ANO5: variants seen among roughly 807,000 people sequenced by gnomAD.
ANO5 encodes the protein anoctamin 5, also known as anoctamin-5.
ANO5 carries 109 observed loss-of-function variants against 121.0 expected under a neutral mutation model. The observed-to-expected ratio is 0.90, with a 90% CI of 0.77 to 1.06. The LOEUF is 1.06. Ranked by LOEUF, ANO5 falls within the 50% of genes least tolerant of loss-of-function variation. ANO5 has a pLI of 0.00. For synonymous variants in ANO5, 406 were observed against 359.9 expected (o/e 1.13, Z -1.45); for missense variants, 1,064 against 1,078.5 (o/e 0.99, Z 0.19).
intron 9 of ANO5, among the ~76,000 whole-genome samples, chr11:22,248,826 C>T (rs948033938): frequency 4.6e-5 from 7 of 151,828 alleles, no homozygotes; most frequent in Non-Finnish European, 8.8e-5. Flanking sequence ...AAGTCTATAG[C>T]AATAATGTTG....
chr11:22,275,309 G>GACACACAC lies in ANO5; in HGVS notation c.2414+577_2414+584dup, dbSNP rs56171321. On this transcript the variant is annotated intron_variant, in intron 20 of 21. Coordinates refer to ENST00000324559, the MANE Select transcript of ANO5 (RefSeq NM_213599.3). Reference sequence around the variant, plus strand: ...GGATCTTTTCACCATACAATTTAAAGACACACACACACACACACACACGCT... The same window carrying GACACACAC: ...GGATCTTTTCACCATACAATTTAAAGACACACACACACACACACACACACACACACGCT... 6.1e-3 allele frequency among the ~76,000 whole-genome samples: 911 copies of GACACACAC among 148,606 alleles called. 3 individuals are homozygous for GACACACAC. The highest frequency in any genetic ancestry group is 9.3e-3 in the Non-Finnish European group (621 of 66,782).
At chr11:22,211,336 C>A in intron 3 of ANO5, 22 bp downstream of exon 3, 1 of 1,609,130 alleles carries the variant, frequency 6.2e-7, no homozygotes. Flanking sequence ...CCAGTACTAT[C>A]CTTTCTTGCA....
At position 22,274,756 on chromosome 11, in the gene ANO5, T is replaced by C; in HGVS notation, c.2414+9T>C. ...GACTTCATCACTTGCAGGTGATTTG[T>C]TTGTTTGTTTGTTTAGGTTTTAGTT... On this transcript the variant is annotated intron_variant, in intron 20 of 21. Coordinates refer to ENST00000324559, the MANE Select transcript of ANO5 (RefSeq NM_213599.3). The C allele has an allele frequency of 6.2e-7, 1 of 1,612,460 alleles. No homozygotes were observed. Among genetic ancestry groups the C allele is most frequent in the South Asian group, 1.1e-5 (1 of 91,052 alleles).
intron 2 of ANO5, among the ~76,000 whole-genome samples, chr11:22,205,803 A>G (rs923085340): frequency 4.6e-5 from 7 of 152,114 alleles, no homozygotes; most frequent in Non-Finnish European, 1.0e-4. Flanking sequence ...GAATTTGTAG[A>G]TACCAAAAAG....
At chr11:22,243,285 A>G (rs1281275327) in intron 9 of ANO5, among the ~76,000 whole-genome samples, 1 of 151,896 alleles carries the variant, frequency 6.6e-6, no homozygotes, top group Non-Finnish European at 1.5e-5. Context: ...GGATGTATTA[A>G]CTTTTTGATG....
chr11:22,280,857 G>C lies in ANO5; in HGVS notation c.*1092G>C, dbSNP rs932376878. On this transcript the variant is annotated 3_prime_UTR_variant, in exon 22 of 22. Transcript: ENST00000324559. Reference sequence around the variant, plus strand: ...ATGTTGTTAGCTAGTGATTTGATGTGATGTAACATCTTAAATGTAAGCTTG... The same window carrying C: ...ATGTTGTTAGCTAGTGATTTGATGTCATGTAACATCTTAAATGTAAGCTTG... 1 of 151,962 alleles carries C rather than the reference G, an allele frequency of 6.6e-6. No individual in the cohort carries two copies. Among genetic ancestry groups the C allele is most frequent in the Non-Finnish European group, 1.5e-5 (1 of 67,878 alleles). 9.4% of individuals were successfully genotyped at this position (151,962 alleles called of 1,614,324 possible). A position where few individuals can be genotyped will look rare whatever the true frequency, so the allele number is the denominator to read the frequency against.
rs763207911 is a variant in ANO5, at chr11:22,218,198, C to T, written c.139-48C>T. On this transcript the variant is annotated intron_variant, in intron 3 of 21. Transcript: ENST00000324559. ...CTTTGTCTTTTTTTTGGAATCTTTA[C>T]TGTAATTCTGGGCAGGAAGTGCTAA... The T allele has an allele frequency of 3.7e-6, 6 of 1,603,082 alleles. No individual in the cohort carries two copies. In the African/African-American group the frequency reaches 8.1e-5, roughly 22 times the overall value.
At position 22,200,471 on chromosome 11, in the gene ANO5, A is replaced by G. The variant is rs541024760; in HGVS notation, c.41-3333A>G. On this transcript the variant is annotated intron_variant, in intron 1 of 21. Coordinates refer to ENST00000324559, the MANE Select transcript of ANO5 (RefSeq NM_213599.3). ...ATGCATTCTTCCTGTTTCTTTATAG[A>G]TTATTAAAAATTTGTGTGTTCAGGG... Among the ~76,000 whole-genome samples the G allele has an allele frequency of 1.2e-4, 19 of 152,260 alleles. 1 individual carries two copies. The highest frequency in any genetic ancestry group is 4.3e-4 in the African/African-American group (18 of 41,552).
chr11:22,263,447 C>T lies in ANO5; in HGVS notation c.1898+404C>T, dbSNP rs1336341547. Among the ~76,000 whole-genome samples, 3 of 152,024 alleles carry T rather than the reference C, an allele frequency of 2.0e-5. No individual in the cohort carries two copies. In the East Asian group the frequency reaches 5.8e-4, roughly 29 times the overall value. On this transcript the variant is annotated intron_variant, in intron 17 of 21. Transcript: ENST00000324559. ...TGCTGTGTATTATTTCTGAATATTA[C>T]TAAAAGGTGAACTTTGTAAAAATAT...
At chr11:22,226,464 T>C (rs1205100886) in intron 6 of ANO5, among the ~76,000 whole-genome samples, 1 of 152,198 alleles carries the variant, frequency 6.6e-6, no homozygotes, top group African/African-American at 2.4e-5. Flanking sequence ...TTTTATTTAC[T>C]GTTTTTCTAG....
intron 14 of ANO5, 25 bp downstream of exon 14, chr11:22,257,779 A>G (rs1341800610): frequency 1.9e-6 from 3 of 1,575,530 alleles, no homozygotes; most frequent in Admixed American, 3.3e-5. Context: ...AAAAATTGCT[A>G]TAATTTCTTC....
chr11:22,217,506 C>A (rs541880348), intron 3 of ANO5, among the ~76,000 whole-genome samples: 8 of 150,994 alleles, frequency 5.3e-5, no homozygotes, highest in African/African-American at 1.9e-4. Context: ...ATTTTAATTT[C>A]TTTTCCTGAT....
At chr11:22,235,307 G>A (rs1853178597) in intron 7 of ANO5, among the ~76,000 whole-genome samples, 1 of 151,900 alleles carries the variant, frequency 6.6e-6, no homozygotes, top group Admixed American at 6.6e-5. Context: ...TCTAAAATAT[G>A]TAAAACAGGT....
At chr11:22,278,686 T>A (rs1473937388) in intron 21 of ANO5, among the ~76,000 whole-genome samples, 1 of 151,672 alleles carries the variant, frequency 6.6e-6, no homozygotes, top group South Asian at 2.1e-4. Context: ...GATAACGTAG[T>A]GAGCTGATAT....
intron 17 of ANO5, among the ~76,000 whole-genome samples, chr11:22,267,938 T>G (rs956064014): frequency 1.3e-5 from 2 of 152,186 alleles, no homozygotes; most frequent in African/African-American, 4.8e-5. Flanking sequence ...AAGAACATGA[T>G]CTTGTTCTTT....
rs1222161568 is a variant in ANO5 at position 22,272,843 on chromosome 11, G to A, written c.2089G>A (p.Ala697Thr). 1 of 1,613,796 alleles carries A rather than the reference G, an allele frequency of 6.2e-7. No individual in the cohort carries two copies. Among genetic ancestry groups the A allele is most frequent in the Non-Finnish European group, 8.5e-7 (1 of 1,179,968 alleles). Residue 697 changes from alanine to threonine, a missense_variant, in exon 19 of 22, where the codon GCT becomes ACT. Transcript: ENST00000324559. ...VASFPLAPLLALINNIVEIRV... is the reference protein window; with the variant it reads ...VASFPLAPLLTLINNIVEIRV... The stretch of plus-strand genomic sequence containing the variant: ...CTCTTTTCCTTTGGCTCCTCTTCTT[G>A]CTCTCATAAATAATATTGTAGAGAT...
At chr11:22,245,894 T>A (rs1853599383) in intron 9 of ANO5, among the ~76,000 whole-genome samples, 1 of 152,150 alleles carries the variant, frequency 6.6e-6, no homozygotes. Flanking sequence ...TCAAAAAGTT[T>A]CAGATTTTGG....
intron 12 of ANO5, among the ~76,000 whole-genome samples, chr11:22,253,210 C>T (rs994823185): frequency 6.6e-6 from 1 of 152,090 alleles, no homozygotes; most frequent in Non-Finnish European, 1.5e-5. Context: ...TATATGAATC[C>T]TGTGATTCCT....
chr11:22,226,812 A>C (rs1372545665), intron 6 of ANO5, among the ~76,000 whole-genome samples: 1 of 152,188 alleles, frequency 6.6e-6, no homozygotes, highest in African/African-American at 2.4e-5. Flanking sequence ...CTCCTATGCC[A>C]TGAACCTTTG....
Sources: gnomAD v4.1 joint callset for allele counts (sites outside exome capture counted in the v4.1 genomes callset) on GRCh38, gnomAD v4.1.1 for gene constraint, MANE v1.5 for transcripts, NCBI Gene and HGNC (gene_info 2026-07-23, HGNC 2026-07-21) for gene names.